The following UBE3D variants were observed in gnomAD, a reference collection of about 807,000 sequenced individuals.
The protein encoded by UBE3D is ubiquitin protein ligase E3D.
In UBE3D, 48 loss-of-function variants were observed where a neutral mutation model predicts 49.6. That is an observed-to-expected ratio of 0.97 (90% CI 0.77 to 1.23). UBE3D has a LOEUF of 1.23. Ranked by LOEUF, UBE3D falls within the 50% of genes most tolerant of loss-of-function variation. The probability of loss-of-function intolerance (pLI) is 0.00; values close to 1 mark genes in which losing one functional copy is unlikely to be tolerated. For synonymous variants in UBE3D, 189 were observed against 174.2 expected, an observed-to-expected ratio of 1.08 and a Z score of -0.67; for missense variants, 452 against 468.4, an observed-to-expected ratio of 0.96 and a Z score of 0.32.
intron 9 of UBE3D, among the ~76,000 whole-genome samples, chr6:82,940,493 T>C (rs1276324497): frequency 6.6e-6 from 1 of 152,186 alleles, no homozygotes; most frequent in Non-Finnish European, 1.5e-5. Context: ...GGAAAAATAG[T>C]GGACACATCC....
chr6:83,031,854 C>T (rs999607191), intron 5 of UBE3D, among the ~76,000 whole-genome samples: 25 of 152,200 alleles, frequency 1.6e-4, no homozygotes, highest in African/African-American at 3.9e-4. Flanking sequence ...ACAGCTCGGG[C>T]CCCGGCTTCA....
chr6:82,896,757 T>A (rs1293756648), intron 9 of UBE3D, among the ~76,000 whole-genome samples: 1 of 152,042 alleles, frequency 6.6e-6, no homozygotes, highest in Non-Finnish European at 1.5e-5. Flanking sequence ...TCTTTTTTTT[T>A]TTGAGAGAGA....
In UBE3D at chr6:83,065,803, A is replaced by G. The variant is rs766234912; in HGVS notation, c.-85T>C. 132 of 1,385,616 alleles carry G rather than the reference A, an allele frequency of 9.5e-5. No individual in the cohort carries two copies. The highest frequency in any genetic ancestry group is 1.3e-4 in the Non-Finnish European group (128 of 1,004,374). The allele number at this position is 1,385,616 out of a possible 1,614,324, so 85.8% of individuals were successfully genotyped here. A position where few individuals can be genotyped will look rare whatever the true frequency, so the allele number is the denominator to read the frequency against. On this transcript the variant is annotated 5_prime_UTR_variant, in exon 1 of 10. Coordinates refer to ENST00000369747, the MANE Select transcript of UBE3D (RefSeq NM_198920.3). ...GGACCAGGAGAGGTTCCACGTGCGG[A>G]CCAACCAGCGGCAGCCCCGCTGCGG...
At chr6:83,007,465 C>CT (rs1472637585) in intron 8 of UBE3D, among the ~76,000 whole-genome samples, 38 of 152,158 alleles carry the variant, frequency 2.5e-4, no homozygotes, top group African/African-American at 8.7e-4. Flanking sequence ...TCTCCTAAGT[C>CT]TTTTTCTCCT....
intron 8 of UBE3D, among the ~76,000 whole-genome samples, chr6:83,012,395 C>T (rs893205718): frequency 2.0e-5 from 3 of 152,190 alleles, no homozygotes; most frequent in East Asian, 1.9e-4. Flanking sequence ...TGGCAAATTG[C>T]GCGTTCAGCA....
At chr6:82,944,216 G>A (rs1775235095) in intron 9 of UBE3D, among the ~76,000 whole-genome samples, 1 of 152,320 alleles carries the variant, frequency 6.6e-6, no homozygotes, top group Admixed American at 6.5e-5. Context: ...TTCACTTGAA[G>A]AGAGGAGAGG....
intron 8 of UBE3D, among the ~76,000 whole-genome samples, chr6:83,002,410 C>T (rs537960806): frequency 2.0e-5 from 3 of 152,140 alleles, no homozygotes; most frequent in Admixed American, 1.3e-4. Context: ...GTGGGCCAAG[C>T]GTGTTGGCTC....
chr6:82,916,491 C>A (rs370152776), intron 9 of UBE3D, among the ~76,000 whole-genome samples: 1 of 152,128 alleles, frequency 6.6e-6, no homozygotes, highest in South Asian at 2.1e-4. Context: ...AAGGCTGGCA[C>A]AATCAGAATA....
At chr6:82,974,415 G>T (rs1408845893) in intron 8 of UBE3D, among the ~76,000 whole-genome samples, 1 of 152,132 alleles carries the variant, frequency 6.6e-6, no homozygotes, top group Non-Finnish European at 1.5e-5. Context: ...CCTTAAAATG[G>T]TGTAGTGTTT....
At position 83,022,568 on chromosome 6, in the gene UBE3D, G is replaced by C. The variant is rs1204017518; in HGVS notation, c.738-7C>G. 2 of 1,556,610 alleles carry C rather than the reference G, an allele frequency of 1.3e-6. No homozygotes were observed. The highest frequency in any genetic ancestry group is 1.7e-6 in the Non-Finnish European group (2 of 1,157,614). ...GCTCTGGACAAACCAAGACCTGTTT[G>C]AACAGAAATCAATTTTTACAATGTG... On this transcript the variant is annotated splice_region_variant and splice_polypyrimidine_tract_variant and intron_variant, in intron 6 of 9. Coordinates refer to ENST00000369747, the MANE Select transcript of UBE3D (RefSeq NM_198920.3).
downstream of UBE3D, among the ~76,000 whole-genome samples, chr6:82,892,042 C>A (rs573685894): frequency 2.0e-4 from 30 of 151,688 alleles, no homozygotes; most frequent in African/African-American, 6.8e-4. Context: ...AGAAAATTTG[C>A]GGATAGAAAA....
At chr6:82,992,872 C>A (rs1021796169) in intron 8 of UBE3D, among the ~76,000 whole-genome samples, 1 of 152,010 alleles carries the variant, frequency 6.6e-6, no homozygotes, top group Admixed American at 6.6e-5. Context: ...ACTACCTCTG[C>A]CACCTGGGTA....
intron 8 of UBE3D, among the ~76,000 whole-genome samples, chr6:82,964,743 A>G (rs1056439308): frequency 1.3e-5 from 2 of 152,222 alleles, no homozygotes; most frequent in African/African-American, 2.4e-5. Flanking sequence ...TAAAATTCTT[A>G]TAAGCCATTC....
At chr6:82,942,910 C>A (rs893063115) in intron 9 of UBE3D, among the ~76,000 whole-genome samples, 5 of 152,188 alleles carry the variant, frequency 3.3e-5, no homozygotes, top group African/African-American at 7.2e-5. Context: ...CCACCATCAA[C>A]CAGACCACAG....
chr6:83,058,652 T>C (rs982444369), intron 1 of UBE3D, among the ~76,000 whole-genome samples: 3 of 152,220 alleles, frequency 2.0e-5, no homozygotes, highest in African/African-American at 4.8e-5. Flanking sequence ...GGCTCCCTCT[T>C]AAGTGCAGAC....
At chr6:82,943,489 A>T (rs1775171651) in intron 9 of UBE3D, among the ~76,000 whole-genome samples, 1 of 152,098 alleles carries the variant, frequency 6.6e-6, no homozygotes, top group Non-Finnish European at 1.5e-5. Flanking sequence ...TACAAAAATT[A>T]GCTGGGCATG....
intron 9 of UBE3D, among the ~76,000 whole-genome samples, chr6:82,936,574 C>A (rs191425678): frequency 2.7e-3 from 405 of 152,194 alleles, no homozygotes; most frequent in Non-Finnish European, 3.7e-3. Context: ...CATTATTCTG[C>A]CAATTTAGTC....
rs1777238992 is a variant in UBE3D at position 82,970,088 on chromosome 6, A to G, written c.1011-12638T>C. ...ATGATATACTATTATATATATAATTATATATAATTATATATAATAGAACAT... is the reference window on the plus strand; with the variant it reads ...ATGATATACTATTATATATATAATTGTATATAATTATATATAATAGAACAT... On this transcript the variant is annotated intron_variant, in intron 8 of 9. Transcript: ENST00000369747. Among the ~76,000 whole-genome samples, 3 of 147,998 alleles carry G rather than the reference A, an allele frequency of 2.0e-5. No homozygotes were observed. In the South Asian group the frequency reaches 6.3e-4, roughly 31 times the overall value.
chr6:82,977,261 A>G (rs776814380), intron 8 of UBE3D, among the ~76,000 whole-genome samples: 1 of 151,770 alleles, frequency 6.6e-6, no homozygotes, highest in Non-Finnish European at 1.5e-5. Flanking sequence ...CATGATCTCT[A>G]TCAGATATGC....
Sources: gnomAD v4.1 joint callset for allele counts (sites outside exome capture counted in the v4.1 genomes callset) on GRCh38, gnomAD v4.1.1 for gene constraint, MANE v1.5 for transcripts, NCBI Gene and HGNC (gene_info 2026-07-23, HGNC 2026-07-21) for gene names.